Variants in VEGFD observed in about 807,000 individuals in gnomAD.
VEGFD encodes vascular endothelial growth factor D, also known as c-fos induced growth factor (vascular endothelial growth factor D).
Under a neutral mutation model 28.0 loss-of-function variants are expected in VEGFD, and 26 were observed. The observed-to-expected ratio is 0.93, with a 90% CI of 0.68 to 1.29. The LOEUF is 1.29. Ranked by LOEUF, VEGFD falls within the 50% of genes most tolerant of loss-of-function variation. The pLI, the probability that VEGFD is intolerant of heterozygous loss-of-function variation, is 0.00. For missense variants in VEGFD, 294 were observed against 273.4 expected, an observed-to-expected ratio of 1.08 and a Z score of -0.53; for synonymous variants, 93 against 95.5, an observed-to-expected ratio of 0.97 and a Z score of 0.15.
chrX:15,353,697 G>A (rs923842140), intron 4 of VEGFD, among the ~76,000 whole-genome samples: 1 of 108,844 alleles, frequency 9.2e-6, no homozygotes, highest in African/African-American at 3.4e-5. Context: ...CCGAGATCTC[G>A]CCATTGCACT....
chrX:15,360,997 A>C (rs975317285), intron 2 of VEGFD, among the ~76,000 whole-genome samples: 5 of 112,485 alleles, frequency 4.4e-5, no homozygotes, highest in African/African-American at 1.6e-4. Context: ...TGCCTCAGGA[A>C]ATTACCTTGA....
intron 4 of VEGFD, 49 bp from the exon 5 acceptor site, chrX:15,353,217 C>A (rs375517026): frequency 2.9e-5 from 21 of 721,516 alleles, no homozygotes; most frequent in Non-Finnish European, 3.6e-5. Context: ...CAAGGATAAT[C>A]AAAACTTTGG....
At chrX:15,378,506 T>A (rs1347416564) in intron 1 of VEGFD, among the ~76,000 whole-genome samples, 1 of 109,842 alleles carries the variant, frequency 9.1e-6, no homozygotes, top group East Asian at 2.8e-4. Flanking sequence ...CTCTATTACA[T>A]ACAGGCTTTT....
chrX:15,352,208 G>A (rs1366353854), intron 5 of VEGFD, among the ~76,000 whole-genome samples: 1 of 112,238 alleles, frequency 8.9e-6, no homozygotes, highest in East Asian at 2.8e-4. Flanking sequence ...GCTATTTACA[G>A]TTTATAGGAC....
intron 1 of VEGFD, among the ~76,000 whole-genome samples, chrX:15,381,982 A>G (rs1473100796): frequency 2.7e-5 from 2 of 73,609 alleles, no homozygotes; most frequent in African/African-American, 1.2e-4. Context: ...TCGTTACTCC[A>G]TTCAACAAAT....
At chrX:15,365,069 T>C (rs895900400) in intron 1 of VEGFD, among the ~76,000 whole-genome samples, 7 of 112,466 alleles carry the variant, frequency 6.2e-5, no homozygotes, top group Non-Finnish European at 1.1e-4. Context: ...ACATCATATA[T>C]ACATACTTAT....
chrX:15,362,433 T>C (rs1287018431), intron 2 of VEGFD, among the ~76,000 whole-genome samples: 1 of 110,764 alleles, frequency 9.0e-6, no homozygotes, highest in Non-Finnish European at 1.9e-5. Context: ...GGTGGTTTTT[T>C]TGAGACAGGA....
rs1922576459 is a variant in VEGFD at position 15,347,241 on chromosome X, G to GT, written c.860dup (p.Asn287LysfsTer6). 1 of 1,210,183 alleles carries GT rather than the reference G, an allele frequency of 8.3e-7. No individual in the cohort carries two copies. The highest frequency in any genetic ancestry group is 1.7e-5 in the African/African-American group (1 of 57,284). On this transcript the variant is annotated frameshift_variant, in exon 6 of 7. Transcript: ENST00000297904. LOFTEE classifies it high-confidence loss of function. ...TTTCTTTGCACTCAAAGCAACTGCAGTTTTTGGGGTGCTGGATTAGATCTT... is the reference window on the plus strand; with the variant it reads ...TTTCTTTGCACTCAAAGCAACTGCAGTTTTTTGGGGTGCTGGATTAGATCTT...
At chrX:15,353,044 T>C (rs1019252606) in intron 5 of VEGFD, 24 bp downstream of exon 5, 2 of 966,489 alleles carry the variant, frequency 2.1e-6, no homozygotes. Context: ...ATTACTGTTA[T>C]TATTTTACTA....
chrX:15,350,312 A>G (rs764099127), intron 5 of VEGFD, among the ~76,000 whole-genome samples: 2 of 111,718 alleles, frequency 1.8e-5, no homozygotes, highest in East Asian at 5.6e-4. Context: ...CCCGCTGCTT[A>G]GAACAGCACT....
Position 15,363,359 on chromosome X carries a change from A to G in VEGFD, c.91-40T>C, listed in dbSNP as rs1225484697. ...AATACCAGTTTAAAAACAAGTTACT[A>G]AATTTTAAATTTGTCATAATAATCT... is the stretch of plus-strand genomic sequence containing the variant. On this transcript the variant is annotated intron_variant, in intron 1 of 6. Transcript: ENST00000297904. 8 of 1,053,604 alleles carry G rather than the reference A, an allele frequency of 7.6e-6. No homozygotes were observed. The Admixed American group carries it at 1.9e-4, about 25-fold the overall frequency. 86.8% of individuals were successfully genotyped at this position (1,053,604 alleles called of 1,213,427 possible). A position where few individuals can be genotyped will look rare whatever the true frequency, so the allele number is the denominator to read the frequency against.
intron 5 of VEGFD, among the ~76,000 whole-genome samples, chrX:15,350,139 G>A (rs1008407640): frequency 9.0e-6 from 1 of 110,733 alleles, no homozygotes; most frequent in African/African-American, 3.3e-5. Flanking sequence ...AAGCTCCCAT[G>A]CAAGAATTAC....
chrX:15,353,295 T>C (rs935144563), intron 4 of VEGFD, 127 bp from the exon 5 acceptor site: 1 of 286,998 alleles, frequency 3.5e-6, no homozygotes. Flanking sequence ...CTTTTTATAC[T>C]CAGTTTGGAG....
chrX:15,378,383 A>G (rs368953209), intron 1 of VEGFD, among the ~76,000 whole-genome samples: 3 of 112,247 alleles, frequency 2.7e-5, no homozygotes, highest in African/African-American at 9.7e-5. Flanking sequence ...AGCCATCATG[A>G]GAGTAGATGT....
intron 5 of VEGFD, among the ~76,000 whole-genome samples, chrX:15,347,952 C>T (rs1171459158): frequency 8.9e-6 from 1 of 112,353 alleles, no homozygotes; most frequent in Non-Finnish European, 1.9e-5. Flanking sequence ...ACTCATCTGA[C>T]AAATATTTCT....
At chrX:15,350,490 G>C (rs1220059473) in intron 5 of VEGFD, among the ~76,000 whole-genome samples, 1 of 112,637 alleles carries the variant, frequency 8.9e-6, no homozygotes, top group African/African-American at 3.2e-5. Context: ...CTAGATTTAA[G>C]ACTTACCCCC....
chrX:15,358,680 C>T (rs12857904), intron 2 of VEGFD, among the ~76,000 whole-genome samples: 1,692 of 111,564 alleles, frequency 0.015, 14 homozygotes, highest in Non-Finnish European at 0.025. Flanking sequence ...ACTTGGCAAA[C>T]GCATAAATGG....
At chrX:15,357,371 C>G (rs1229691315) in intron 3 of VEGFD, among the ~76,000 whole-genome samples, 1 of 111,380 alleles carries the variant, frequency 9.0e-6, no homozygotes, top group Non-Finnish European at 1.9e-5. Context: ...TCTATAAACC[C>G]TCTTGCCTCT....
At chrX:15,352,560 C>T (rs990485601) in intron 5 of VEGFD, among the ~76,000 whole-genome samples, 5 of 111,726 alleles carry the variant, frequency 4.5e-5, no homozygotes, top group African/African-American at 9.8e-5. Flanking sequence ...AAATTACTGG[C>T]GTGTTTTCAT....
Sources: allele counts gnomAD v4.1 joint callset (sites outside exome capture counted in the v4.1 genomes callset), GRCh38; gene constraint gnomAD v4.1.1; transcripts MANE v1.5; gene names NCBI Gene and HGNC (gene_info 2026-07-23, HGNC 2026-07-21).